Variants in OGFOD1 observed in about 807,000 individuals in gnomAD.
The protein encoded by OGFOD1 is 2-oxoglutarate and iron dependent oxygenase domain containing 1, also known as prolyl 3-hydroxylase OGFOD1.
A neutral mutation model predicts 67.7 loss-of-function variants in OGFOD1; 54 were observed. That is an observed-to-expected ratio of 0.80 (90% CI 0.64 to 1.00). OGFOD1 has a LOEUF of 1.00. Ranked by LOEUF, OGFOD1 falls within the 50% of genes least tolerant of loss-of-function variation. The pLI is 0.00. For synonymous variants in OGFOD1, 221 were observed against 227.0 expected (o/e 0.97, Z 0.24); for missense variants, 606 against 646.7 (o/e 0.94, Z 0.68).
intron 8 of OGFOD1, 145 bp downstream of exon 8, chr16:56,468,163 AATG>A (rs1347518050): frequency 3.3e-6 from 2 of 606,810 alleles, no homozygotes; most frequent in Non-Finnish European, 5.8e-6. Context: ...GAAACATAGA[AATG>A]ATGATAACAC....
chr16:56,463,402 T>G (rs1349313015), intron 4 of OGFOD1, among the ~76,000 whole-genome samples: 2 of 136,586 alleles, frequency 1.5e-5, no homozygotes, highest in Admixed American at 7.3e-5. Context: ...TTTTTTTTTT[T>G]TTTTTTTTTT....
Position 56,451,581 on chromosome 16 carries a change from C to A in OGFOD1, c.-32C>A. On this transcript the variant is annotated 5_prime_UTR_variant, in exon 1 of 13. In the 5' UTR this introduces an upstream ATG that the reference lacks. Coordinates refer to ENST00000566157, the MANE Select transcript of OGFOD1 (RefSeq NM_018233.4). ...ACCCTCAGGAAGGTAGCGTCTTGAT[C>A]TGCGTGGCGTGGTTCTGTGCCTTGG... The A allele has an allele frequency of 3.1e-6, 5 of 1,611,264 alleles. No individual in the cohort carries two copies. Among genetic ancestry groups the A allele is most frequent in the South Asian group, 1.1e-5 (1 of 90,976 alleles).
chr16:56,465,613 A>G (rs1233781937), intron 4 of OGFOD1: 1 of 152,810 alleles, frequency 6.5e-6, no homozygotes, highest in Non-Finnish European at 1.5e-5. Context: ...AATACGAGCA[A>G]GTACAAAAGA....
At chr16:56,461,774 C>T (rs1400428790) in intron 3 of OGFOD1, among the ~76,000 whole-genome samples, 2 of 152,084 alleles carry the variant, frequency 1.3e-5, no homozygotes, top group Non-Finnish European at 1.5e-5. Flanking sequence ...ACACATTTGG[C>T]ATTGGAAGTG....
rs1459491524 is a variant in OGFOD1 at position 56,451,588 on chromosome 16, G to A, written c.-25G>A. On this transcript the variant is annotated 5_prime_UTR_variant, in exon 1 of 13. Coordinates refer to ENST00000566157, the MANE Select transcript of OGFOD1 (RefSeq NM_018233.4). ...GGAAGGTAGCGTCTTGATCTGCGTG[G>A]CGTGGTTCTGTGCCTTGGGAAGAGA... is the stretch of plus-strand genomic sequence containing the variant. 1 of 1,612,352 alleles carries A rather than the reference G, an allele frequency of 6.2e-7. No homozygotes were observed. The highest frequency in any genetic ancestry group is 8.5e-7 in the Non-Finnish European group (1 of 1,179,766).
At chr16:56,455,985 G>A (rs985477547) in intron 2 of OGFOD1, among the ~76,000 whole-genome samples, 2 of 152,134 alleles carry the variant, frequency 1.3e-5, no homozygotes, top group Non-Finnish European at 2.9e-5. Flanking sequence ...TATAAGAGTT[G>A]TCTGCACTGT....
chr16:56,476,163 C>T lies in OGFOD1; in HGVS notation c.1587C>T (p.Asn529=), dbSNP rs1567558807. The change falls in exon 13 of 13, where the codon AAC becomes AAT. Residue 529 remains asparagine (N), a synonymous_variant. Coordinates refer to ENST00000566157, the MANE Select transcript of OGFOD1 (RefSeq NM_018233.4). ...TGGAACAAAAGAAAACCTTCCCAAACAGAACAGGTTTCTGGGACTTTTCAT... is the reference window on the plus strand; with the variant it reads ...TGGAACAAAAGAAAACCTTCCCAAATAGAACAGGTTTCTGGGACTTTTCAT... ...RSLEQKKTFP[N]RTGFWDFSFI... 2 of 1,613,300 alleles carry T rather than the reference C, an allele frequency of 1.2e-6. No individual in the cohort carries two copies. Among genetic ancestry groups the T allele is most frequent in the East Asian group, 4.5e-5 (2 of 44,854 alleles).
intron 2 of OGFOD1, among the ~76,000 whole-genome samples, chr16:56,455,217 A>G (rs1962484758): frequency 6.6e-6 from 1 of 152,104 alleles, no homozygotes; most frequent in South Asian, 2.1e-4. Flanking sequence ...AATACAAAAA[A>G]TTAGCCAGGC....
At chr16:56,472,650 AAAT>A (rs1464743979) in intron 10 of OGFOD1, among the ~76,000 whole-genome samples, 5 of 152,216 alleles carry the variant, frequency 3.3e-5, no homozygotes, top group Non-Finnish European at 7.3e-5. Flanking sequence ...AGAAAAAGGA[AAAT>A]AATAATCTAC....
intron 8 of OGFOD1, among the ~76,000 whole-genome samples, chr16:56,469,188 T>C (rs1459282632): frequency 6.6e-6 from 1 of 152,182 alleles, no homozygotes; most frequent in Admixed American, 6.5e-5. Context: ...GAAAGCCTCT[T>C]GTGGAGAATA....
At chr16:56,473,410 C>T (rs1963295656) in intron 10 of OGFOD1, among the ~76,000 whole-genome samples, 3 of 152,104 alleles carry the variant, frequency 2.0e-5, no homozygotes, top group African/African-American at 7.2e-5. Flanking sequence ...AGATTTTTTC[C>T]AGTTCTTCAC....
At chr16:56,463,154 C>T (rs974250275) in intron 4 of OGFOD1, among the ~76,000 whole-genome samples, 8 of 152,152 alleles carry the variant, frequency 5.3e-5, no homozygotes, top group Non-Finnish European at 1.5e-5. Context: ...CCTTCCATTT[C>T]TCTTTCTGAG....
At chr16:56,467,843 T>C in intron 7 of OGFOD1, 62 bp from the exon 8 acceptor site, 1 of 818,288 alleles carries the variant, frequency 1.2e-6, no homozygotes, top group Non-Finnish European at 2.2e-6. Flanking sequence ...TGTGAAATGA[T>C]GTAAGAGCAA....
Position 56,476,622 on chromosome 16 carries a change from T to C in OGFOD1, c.*417T>C, listed in dbSNP as rs1963489028. The stretch of plus-strand genomic sequence containing the variant: ...ATCATCCATCTCCAGAAGTTTTCCA[T>C]CTTCCCAAATTCTGTGCCCATTGAA... On this transcript the variant is annotated 3_prime_UTR_variant, in exon 13 of 13. Coordinates refer to ENST00000566157, the MANE Select transcript of OGFOD1 (RefSeq NM_018233.4). 2 of 153,904 alleles carry C rather than the reference T, an allele frequency of 1.3e-5. No homozygotes were observed. The highest frequency in any genetic ancestry group is 6.5e-5 in the Admixed American group (1 of 15,354). The allele number at this position is 153,904 out of a possible 1,614,324, so 9.5% of individuals were successfully genotyped here. A position where few individuals can be genotyped will look rare whatever the true frequency, so the allele number is the denominator to read the frequency against.
intron 12 of OGFOD1, among the ~76,000 whole-genome samples, chr16:56,475,835 G>A (rs1271044060): frequency 3.9e-5 from 6 of 152,228 alleles, no homozygotes; most frequent in South Asian, 2.1e-4. Context: ...AGAAATAAAT[G>A]TAATAGGTAA....
intron 3 of OGFOD1, among the ~76,000 whole-genome samples, chr16:56,462,031 T>G (rs554295232): frequency 4.6e-5 from 7 of 151,194 alleles, no homozygotes; most frequent in Admixed American, 4.0e-4. Context: ...AGGCAGAGGT[T>G]GCAATGAGCC....
chr16:56,463,419 TGTTGGTTC>T lies in OGFOD1; in HGVS notation c.448+797_448+804del, dbSNP rs1377241575. ...TTTTTTTTTTTTTTTTTTTTTGGTT[TGTTGGTTC>T]GTTGGTTCGTTTTGAGACGGAGTCT... is the stretch of plus-strand genomic sequence containing the variant. On this transcript the variant is annotated intron_variant, in intron 4 of 12. Coordinates refer to ENST00000566157, the MANE Select transcript of OGFOD1 (RefSeq NM_018233.4). Among the ~76,000 whole-genome samples the T allele has an allele frequency of 1.1e-4, 16 of 140,380 alleles. No individual in the cohort carries two copies. The East Asian group carries it at 2.1e-3, about 18-fold the overall frequency. 92.1% of individuals were successfully genotyped at this position (140,380 alleles called of 152,430 possible). A position where few individuals can be genotyped will look rare whatever the true frequency, so the allele number is the denominator to read the frequency against.
At chr16:56,456,988 C>A (rs774845099) in intron 2 of OGFOD1, among the ~76,000 whole-genome samples, 2 of 152,198 alleles carry the variant, frequency 1.3e-5, no homozygotes, top group African/African-American at 4.8e-5. Context: ...TGTGTCTCCC[C>A]GGGATTATTC....
chr16:56,467,425 T>C (rs1451610004), intron 7 of OGFOD1, 132 bp downstream of exon 7: 16 of 1,073,710 alleles, frequency 1.5e-5, no homozygotes, highest in Non-Finnish European at 2.1e-5. Flanking sequence ...CTTTTTTTTT[T>C]CTTCCTTTTT....
Sources: allele counts gnomAD v4.1 joint callset (sites outside exome capture counted in the v4.1 genomes callset), GRCh38; gene constraint gnomAD v4.1.1; transcripts MANE v1.5; gene names NCBI Gene and HGNC (gene_info 2026-07-23, HGNC 2026-07-21).